Variants in INTS6 observed in about 807,000 individuals in gnomAD.
INTS6 encodes the protein integrator complex subunit 6.
INTS6 carries 16 observed loss-of-function variants against 104.9 expected under a neutral mutation model. That is an observed-to-expected ratio of 0.15 (90% CI 0.10 to 0.23). The LOEUF (loss-of-function observed/expected upper bound fraction) is 0.23, where lower values mean the gene tolerates loss of function less well. INTS6 is among the 10% of genes least tolerant of loss of function. INTS6 has a pLI of 1.00. For missense variants in INTS6, 584 were observed against 1,062.8 expected, an observed-to-expected ratio of 0.55 and a Z score of 6.26; for synonymous variants, 324 against 358.7, an observed-to-expected ratio of 0.90 and a Z score of 1.09.
the INTS6 span, chr13:51,346,951 T>C: frequency 4.5e-6 from 5 of 1,119,752 alleles, no homozygotes; most frequent in Non-Finnish European, 6.6e-6. Flanking sequence ...GCACTCCTTG[T>C]CCGCACACAC....
At chr13:51,393,473 C>T (rs1432919965) in intron 5 of INTS6, among the ~76,000 whole-genome samples, 1 of 152,154 alleles carries the variant, frequency 6.6e-6, no homozygotes, top group African/African-American at 2.4e-5. Flanking sequence ...GTTCTTTCTA[C>T]TTTTCTGGTG....
intron 4 of INTS6, among the ~76,000 whole-genome samples, chr13:51,400,484 G>A (rs1054435607): frequency 2.0e-5 from 3 of 152,120 alleles, no homozygotes; most frequent in African/African-American, 7.2e-5. Context: ...ATTGAGTTTG[G>A]AGTATGGTCC....
Position 51,453,016 on chromosome 13 carries a change from A to G in INTS6, c.-491T>C. 5.9e-6 allele frequency: 6 copies of G among 1,012,268 alleles called. No individual in the cohort carries two copies. Among genetic ancestry groups the G allele is most frequent in the Non-Finnish European group, 7.1e-6 (6 of 846,534 alleles). 62.7% of individuals were successfully genotyped at this position (1,012,268 alleles called of 1,614,324 possible). A position where few individuals can be genotyped will look rare whatever the true frequency, so the allele number is the denominator to read the frequency against. On this transcript the variant is annotated 5_prime_UTR_variant, in exon 1 of 18. Coordinates refer to ENST00000311234, the MANE Select transcript of INTS6 (RefSeq NM_012141.3). ...ACCCCGGCGGTGTCACCACTTTCTC[A>G]GCCCCTCTCGCTACTGAAGCGCTTT...
At chr13:51,345,390 T>C in the INTS6 span, among the ~76,000 whole-genome samples, 3 of 151,940 alleles carry the variant, frequency 2.0e-5, no homozygotes, top group East Asian at 5.8e-4. Context: ...GTCAGGAGTT[T>C]GAGACTAGCC....
intron 3 of INTS6, chr13:51,449,621 C>CAATGGCAAGTTT: frequency 1.0e-6 from 1 of 985,174 alleles, no homozygotes; most frequent in Non-Finnish European, 1.2e-6. Flanking sequence ...TAAAGGTAAC[C>CAATGGCAAGTTT]AAATAATGGC....
intron 3 of INTS6, chr13:51,442,553 C>G (rs1424058435): frequency 6.6e-6 from 1 of 152,346 alleles, no homozygotes; most frequent in Non-Finnish European, 1.5e-5. Context: ...GGTTTATCCC[C>G]TAGATCGGGG....
chr13:51,395,242 A>T, intron 5 of INTS6, 58 bp downstream of exon 5: 1 of 1,476,912 alleles, frequency 6.8e-7, no homozygotes, highest in Non-Finnish European at 9.1e-7. Context: ...GTACACTTTT[A>T]AAACATTCAG....
chr13:51,348,296 C>T, the INTS6 span: 1 of 1,612,526 alleles, frequency 6.2e-7, no homozygotes, highest in Admixed American at 1.7e-5. Context: ...GTTCCTGGTG[C>T]TGCCCCGTGA....
intron 5 of INTS6, among the ~76,000 whole-genome samples, chr13:51,392,772 T>G (rs1442550337): frequency 6.6e-6 from 1 of 152,142 alleles, no homozygotes; most frequent in Non-Finnish European, 1.5e-5. Context: ...AAATATCATT[T>G]ATTTATTTTC....
chr13:51,346,134 A>T, the INTS6 span, among the ~76,000 whole-genome samples: 1 of 152,228 alleles, frequency 6.6e-6, no homozygotes, highest in Non-Finnish European at 1.5e-5. Flanking sequence ...AACAGAGCCT[A>T]TCACAAAGTG....
intron 4 of INTS6, among the ~76,000 whole-genome samples, chr13:51,418,371 GAA>G (rs199960245): frequency 1.4e-5 from 2 of 143,826 alleles, no homozygotes; most frequent in Admixed American, 6.9e-5. Context: ...ATATTTCCTT[GAA>G]AAAAAAAAAT....
the INTS6 span, chr13:51,347,269 G>T: frequency 1.3e-5 from 20 of 1,588,390 alleles, no homozygotes; most frequent in East Asian, 4.5e-4. Context: ...TCTAAAGGGA[G>T]AGGAAGCCTG....
chr13:51,379,620 T>C lies in INTS6; in HGVS notation c.1276-48A>G, dbSNP rs182082606. 117 of 1,118,940 alleles carry C rather than the reference T, an allele frequency of 1.0e-4. No homozygotes were observed. In the East Asian group the frequency reaches 2.1e-3, roughly 20 times the overall value. The allele number at this position is 1,118,940 out of a possible 1,614,324, so 69.3% of individuals were successfully genotyped here. A position where few individuals can be genotyped will look rare whatever the true frequency, so the allele number is the denominator to read the frequency against. On this transcript the variant is annotated intron_variant, in intron 10 of 17. Coordinates refer to ENST00000311234, the MANE Select transcript of INTS6 (RefSeq NM_012141.3). ...ATTCAATATTAAGCTTATTAAAAACTTATGGTTCCATGTATAGTCTGTCTT... is the reference window on the plus strand; with the variant it reads ...ATTCAATATTAAGCTTATTAAAAACCTATGGTTCCATGTATAGTCTGTCTT...
chr13:51,368,453 A>C (rs1955735780), intron 16 of INTS6, among the ~76,000 whole-genome samples: 1 of 152,188 alleles, frequency 6.6e-6, no homozygotes, highest in South Asian at 2.1e-4. Flanking sequence ...AATGCCAATA[A>C]TACTGAACTT....
Position 51,452,838 on chromosome 13 carries a change from C to T in INTS6, c.-313G>A. On this transcript the variant is annotated 5_prime_UTR_variant, in exon 1 of 18. Transcript: ENST00000311234. The surrounding 1 kb of genome is among the most constrained non-coding windows in gnomAD (Gnocchi z 4.2). ...GCCTCGGGGGTCCCGTCCCCGCTCC[C>T]GGCCCCTGTGTGTGTCCCAGCGGGA... The T allele has an allele frequency of 8.6e-7, 1 of 1,161,388 alleles. No homozygotes were observed. The highest frequency in any genetic ancestry group is 1.1e-6 in the Non-Finnish European group (1 of 935,124). 71.9% of individuals were successfully genotyped at this position (1,161,388 alleles called of 1,614,324 possible).
At chr13:51,424,812 A>G (rs1303238461) in intron 4 of INTS6, among the ~76,000 whole-genome samples, 3 of 152,082 alleles carry the variant, frequency 2.0e-5, no homozygotes. Flanking sequence ...CATGTAACAC[A>G]GATAAAATGT....
chr13:51,412,357 G>A (rs1956704008), intron 4 of INTS6, among the ~76,000 whole-genome samples: 1 of 152,128 alleles, frequency 6.6e-6, no homozygotes. Flanking sequence ...AAATGTGAGT[G>A]TCATGTATTT....
chr13:51,403,537 G>A (rs577081986), intron 4 of INTS6, among the ~76,000 whole-genome samples: 35 of 129,754 alleles, frequency 2.7e-4, no homozygotes, highest in African/African-American at 1.0e-3. Context: ...AGCCCAGATC[G>A]CACCACTGCA....
In INTS6 at chr13:51,364,337, T is replaced by G; in HGVS notation, c.*1415A>C. ...TTCTTCATAAAGTTATAATTTCATT[T>G]TGCTATACCCTTGAAATTTAAAAAA... is the stretch of plus-strand genomic sequence containing the variant. On this transcript the variant is annotated 3_prime_UTR_variant, in exon 18 of 18. Transcript: ENST00000311234. 9.8e-7 allele frequency: 1 copy of G among 1,024,756 alleles called. No individual in the cohort carries two copies. The highest frequency in any genetic ancestry group is 2.7e-5 in the East Asian group (1 of 37,214). 63.5% of individuals were successfully genotyped at this position (1,024,756 alleles called of 1,614,324 possible). A position where few individuals can be genotyped will look rare whatever the true frequency, so the allele number is the denominator to read the frequency against.
Sources: allele counts gnomAD v4.1 joint callset (sites outside exome capture counted in the v4.1 genomes callset), GRCh38; gene constraint gnomAD v4.1.1; non-coding constraint Gnocchi (gnomAD v3.1); transcripts MANE v1.5; gene names NCBI Gene and HGNC (gene_info 2026-07-23, HGNC 2026-07-21).